ASIC2: variants seen among roughly 807,000 people sequenced by gnomAD.
The protein encoded by ASIC2 is acid-sensing ion channel 2.
ASIC2 carries 25 observed loss-of-function variants against 57.3 expected under a neutral mutation model. The observed-to-expected ratio is 0.44, with a 90% CI of 0.32 to 0.61. The LOEUF is 0.61. Among genes scored for constraint, ASIC2 ranks in the 20% least tolerant of loss-of-function variants. ASIC2 has a pLI of 0.06. For synonymous variants in ASIC2, 319 were observed against 307.5 expected, an observed-to-expected ratio of 1.04 and a Z score of -0.39; for missense variants, 641 against 738.1, an observed-to-expected ratio of 0.87 and a Z score of 1.52.
At chr17:34,024,899 G>C (rs191691295) in intron 1 of ASIC2, among the ~76,000 whole-genome samples, 16 of 152,298 alleles carry the variant, frequency 1.1e-4, no homozygotes, top group African/African-American at 3.8e-4. Flanking sequence ...GCTGGGGAGT[G>C]GGGGAGTGTT....
chr17:34,140,039 T>C (rs1444600531), intron 1 of ASIC2, among the ~76,000 whole-genome samples: 1 of 152,290 alleles, frequency 6.6e-6, no homozygotes, highest in East Asian at 1.9e-4. Flanking sequence ...CAATGGGTCT[T>C]GAATTTTAAA....
chr17:33,853,054 A>G (rs1187495283), intron 1 of ASIC2, among the ~76,000 whole-genome samples: 1 of 152,274 alleles, frequency 6.6e-6, no homozygotes, highest in South Asian at 2.1e-4. Context: ...TCTCACCCAC[A>G]CAAGTGAGTT....
chr17:33,239,866 T>A (rs1415622764), intron 1 of ASIC2, among the ~76,000 whole-genome samples: 4 of 152,190 alleles, frequency 2.6e-5, no homozygotes, highest in Admixed American at 2.0e-4. Flanking sequence ...GCACATGCTG[T>A]TCTTAAATGT....
chr17:33,541,118 GGAA>G (rs773602653), intron 1 of ASIC2, among the ~76,000 whole-genome samples: 2 of 152,050 alleles, frequency 1.3e-5, no homozygotes, highest in Non-Finnish European at 2.9e-5. Context: ...TAATGTAGAG[GGAA>G]GTAGTAGAAT....
chr17:34,027,041 G>A (rs1367320389), intron 1 of ASIC2, among the ~76,000 whole-genome samples: 3 of 151,952 alleles, frequency 2.0e-5, no homozygotes, highest in Non-Finnish European at 2.9e-5. Context: ...TGTTTAAAGA[G>A]AAAACAAAAA....
chr17:34,012,819 A>G (rs1444861328), intron 1 of ASIC2, among the ~76,000 whole-genome samples: 1 of 152,172 alleles, frequency 6.6e-6, no homozygotes, highest in African/African-American at 2.4e-5. Flanking sequence ...AACTCAGCCC[A>G]GGGAAAGAGT....
intron 1 of ASIC2, among the ~76,000 whole-genome samples, chr17:33,303,374 G>A (rs561710656): frequency 4.4e-4 from 67 of 152,322 alleles, no homozygotes; most frequent in African/African-American, 1.5e-3. Context: ...TCACCATCGG[G>A]ACAGAACTAA....
intron 1 of ASIC2, among the ~76,000 whole-genome samples, chr17:33,833,306 T>C (rs576684564): frequency 6.6e-6 from 1 of 152,278 alleles, no homozygotes; most frequent in Admixed American, 6.5e-5. Context: ...ATTGGTTTTA[T>C]AGAAATATTC....
chr17:34,074,743 C>T (rs1909560527), intron 1 of ASIC2, among the ~76,000 whole-genome samples: 1 of 151,756 alleles, frequency 6.6e-6, no homozygotes, highest in South Asian at 2.1e-4. Context: ...GCCTTGCTGG[C>T]CCAAGTAATC....
At chr17:33,176,573 G>A (rs543995409) in intron 1 of ASIC2, among the ~76,000 whole-genome samples, 1 of 152,256 alleles carries the variant, frequency 6.6e-6, no homozygotes, top group East Asian at 1.9e-4. Flanking sequence ...TGAATTTCTG[G>A]GCTCAAGTGA....
chr17:33,891,206 T>C (rs1409806613), intron 1 of ASIC2, among the ~76,000 whole-genome samples: 1 of 152,166 alleles, frequency 6.6e-6, no homozygotes, highest in Non-Finnish European at 1.5e-5. Flanking sequence ...CACCCGGCAT[T>C]CCAGAAGTGG....
At chr17:34,095,333 C>T (rs1480219502) in intron 1 of ASIC2, among the ~76,000 whole-genome samples, 2 of 152,018 alleles carry the variant, frequency 1.3e-5, no homozygotes, top group Non-Finnish European at 2.9e-5. Context: ...GGCCTTTTTC[C>T]AGGCACCTGA....
chr17:33,740,757 G>C (rs1910085615), intron 1 of ASIC2, among the ~76,000 whole-genome samples: 1 of 152,112 alleles, frequency 6.6e-6, no homozygotes, highest in African/African-American at 2.4e-5. Flanking sequence ...TAACTCACCA[G>C]TTCTCCCTCA....
chr17:33,586,993 A>G lies in ASIC2; in HGVS notation c.556-474926T>C, dbSNP rs2142002808. ...GGCATGTAGGAAGTTCTTAATAAAT[A>G]TTTGTGAGATTAATGTATCAATGAC... On this transcript the variant is annotated intron_variant, in intron 1 of 9. Coordinates refer to the ASIC2 transcript ENST00000359872. Among the ~76,000 whole-genome samples the G allele has an allele frequency of 3.9e-5, 6 of 152,340 alleles. 1 individual carries two copies. Among genetic ancestry groups the G allele is most frequent in the Admixed American group, 3.9e-4 (6 of 15,300 alleles).
intron 1 of ASIC2, among the ~76,000 whole-genome samples, chr17:33,515,858 G>A (rs1367677327): frequency 6.6e-6 from 1 of 152,210 alleles, no homozygotes; most frequent in Non-Finnish European, 1.5e-5. Flanking sequence ...CACTTTGGGA[G>A]GCTGAGGTGG....
chr17:33,880,634 A>G (rs1914675655), intron 1 of ASIC2, among the ~76,000 whole-genome samples: 1 of 152,172 alleles, frequency 6.6e-6, no homozygotes. Context: ...CAACCAAAAA[A>G]AGTCCAGGAC....
intron 1 of ASIC2, among the ~76,000 whole-genome samples, chr17:33,929,986 T>C (rs1267183284): frequency 6.6e-6 from 1 of 152,192 alleles, no homozygotes; most frequent in Non-Finnish European, 1.5e-5. Context: ...GCTATAAGAC[T>C]CTCAAACCAG....
chr17:33,507,293 A>G (rs1036503806), intron 1 of ASIC2, among the ~76,000 whole-genome samples: 1 of 152,192 alleles, frequency 6.6e-6, no homozygotes, highest in Non-Finnish European at 1.5e-5. Flanking sequence ...CACAGACTCT[A>G]TGCTGAGATA....
chr17:34,018,090 G>T (rs1018614933), intron 1 of ASIC2, among the ~76,000 whole-genome samples: 2 of 152,294 alleles, frequency 1.3e-5, no homozygotes, highest in Non-Finnish European at 2.9e-5. Context: ...TGGCTTCAAA[G>T]CTTCAATGAA....
Sources: gnomAD v4.1 joint callset for allele counts (sites outside exome capture counted in the v4.1 genomes callset) on GRCh38, gnomAD v4.1.1 for gene constraint, MANE v1.5 for transcripts, NCBI Gene and HGNC (gene_info 2026-07-23, HGNC 2026-07-21) for gene names.